Variants in THSD7A observed in about 807,000 individuals in gnomAD.
THSD7A encodes the protein thrombospondin type 1 domain containing 7A.
In THSD7A, 96 loss-of-function variants were observed where a neutral mutation model predicts 231.3. That is an observed-to-expected ratio of 0.41 (90% confidence interval 0.35 to 0.49). The LOEUF (loss-of-function observed/expected upper bound fraction) is 0.49, where lower values mean the gene tolerates loss of function less well. THSD7A is among the 20% of genes least tolerant of loss of function. THSD7A has a pLI of 0.05. For missense variants in THSD7A, 2,290 were observed against 2,070.2 expected (o/e 1.11, Z -2.06); for synonymous variants, 940 against 743.3 (o/e 1.26, Z -4.30).
At chr7:11,697,203 C>T (rs1201848929) in intron 1 of THSD7A, among the ~76,000 whole-genome samples, 1 of 151,212 alleles carries the variant, frequency 6.6e-6, no homozygotes, top group East Asian at 2.0e-4. Flanking sequence ...GATTATTTGC[C>T]ATTGGCCAAC....
rs1484823114 is a variant in THSD7A, at chr7:11,634,387, A to G, written c.1022+1743T>C. 6.6e-6 allele frequency among the ~76,000 whole-genome samples: 1 copy of G among 152,222 alleles called. No homozygotes were observed. Among genetic ancestry groups the G allele is most frequent in the Non-Finnish European group, 1.5e-5 (1 of 68,032 alleles). On this transcript the variant is annotated intron_variant, in intron 2 of 27. Transcript: ENST00000423059. This position sits in a 1 kb window ranked among gnomAD's most constrained non-coding sequence, Gnocchi z 4.1. ...AATTGAGTAGTCAACGTTAAATTAAATGTCTACAGCATGCTAACCCAGTGA... is the reference window on the plus strand; with the variant it reads ...AATTGAGTAGTCAACGTTAAATTAAGTGTCTACAGCATGCTAACCCAGTGA...
intron 6 of THSD7A, among the ~76,000 whole-genome samples, chr7:11,511,858 C>A (rs550359063): frequency 5.3e-5 from 8 of 152,256 alleles, no homozygotes; most frequent in African/African-American, 1.9e-4. Flanking sequence ...CAATACCATT[C>A]AGGACATAGG....
chr7:11,410,221 T>A (rs1447572573), intron 19 of THSD7A, among the ~76,000 whole-genome samples: 1 of 152,002 alleles, frequency 6.6e-6, no homozygotes, highest in Admixed American at 6.6e-5. Flanking sequence ...TTTCAACACA[T>A]GTGGGTGCTC....
intron 1 of THSD7A, among the ~76,000 whole-genome samples, chr7:11,704,133 G>C (rs911488522): frequency 3.3e-5 from 5 of 150,814 alleles, no homozygotes; most frequent in Non-Finnish European, 7.4e-5. Context: ...AATACAAGTG[G>C]GAAAAAGATA....
chr7:11,695,725 C>A (rs1447861696), intron 1 of THSD7A, among the ~76,000 whole-genome samples: 2 of 151,406 alleles, frequency 1.3e-5, no homozygotes, highest in East Asian at 3.9e-4. Context: ...GTAAGTGATA[C>A]TGAAAAGTAG....
chr7:11,648,621 A>G (rs73292660), intron 1 of THSD7A, among the ~76,000 whole-genome samples: 120 of 113,412 alleles, frequency 1.1e-3, no homozygotes, highest in African/African-American at 3.7e-3. Context: ...ATAGCTTGTC[A>G]GGATCTATTT....
intron 6 of THSD7A, among the ~76,000 whole-genome samples, chr7:11,492,667 G>C (rs949156664): frequency 6.6e-6 from 1 of 152,060 alleles, no homozygotes; most frequent in Non-Finnish European, 1.5e-5. Context: ...TATTTGGAGA[G>C]AACTGAAGCT....
At chr7:11,796,469 A>G (rs950293279) in intron 1 of THSD7A, among the ~76,000 whole-genome samples, 2 of 151,964 alleles carry the variant, frequency 1.3e-5, no homozygotes, top group Non-Finnish European at 2.9e-5. Context: ...CTTTCATATT[A>G]ATTTGAAAAG....
At chr7:11,502,538 C>G (rs370480046) in intron 6 of THSD7A, among the ~76,000 whole-genome samples, 1 of 152,068 alleles carries the variant, frequency 6.6e-6, no homozygotes, top group African/African-American at 2.4e-5. Flanking sequence ...AAAAAACCCA[C>G]GATTATCTCA....
At chr7:11,584,220 C>G (rs1414624999) in intron 4 of THSD7A, among the ~76,000 whole-genome samples, 7 of 152,088 alleles carry the variant, frequency 4.6e-5, no homozygotes. Flanking sequence ...TTTAGTTAGT[C>G]AAGACCTCAG....
At chr7:11,817,255 G>A (rs181279335) in intron 1 of THSD7A, among the ~76,000 whole-genome samples, 9 of 152,220 alleles carry the variant, frequency 5.9e-5, no homozygotes, top group East Asian at 1.9e-4. Context: ...CAGCATCACC[G>A]AGCAGGAAAG....
rs984496713 is a variant in THSD7A, at chr7:11,689,679, G to C, written c.191-52718C>G. On this transcript the variant is annotated intron_variant, in intron 1 of 27. Transcript: ENST00000423059. ...CCAGGTGCAATTCTCCTTCAGGCAA[G>C]AAAGTTAACCTATGATTTCAAAAAA... Among the ~76,000 whole-genome samples, 3 of 151,552 alleles carry C rather than the reference G, an allele frequency of 2.0e-5. No homozygotes were observed. In the East Asian group the frequency reaches 5.9e-4, roughly 30 times the overall value.
chr7:11,624,705 T>C (rs1781424167), intron 2 of THSD7A, among the ~76,000 whole-genome samples: 1 of 152,128 alleles, frequency 6.6e-6, no homozygotes, highest in Non-Finnish European at 1.5e-5. Flanking sequence ...AAGTATGAAC[T>C]CTACATTATG....
At chr7:11,509,833 A>AAAAAAAAAAAAAAAAAAAAAAC (rs1787726555) in intron 6 of THSD7A, among the ~76,000 whole-genome samples, 1 of 147,254 alleles carries the variant, frequency 6.8e-6, no homozygotes, top group African/African-American at 2.5e-5. Context: ...AAAAAAAAAA[A>AAAAAAAAAAAAAAAAAAAAAAC]AAATAACATC....
intron 4 of THSD7A, among the ~76,000 whole-genome samples, chr7:11,556,353 C>G (rs1468451303): frequency 1.3e-5 from 2 of 151,164 alleles, no homozygotes; most frequent in Non-Finnish European, 3.0e-5. Context: ...CTTATCACAG[C>G]CTACTGATAT....
At chr7:11,697,391 G>A (rs1455833489) in intron 1 of THSD7A, among the ~76,000 whole-genome samples, 1 of 151,104 alleles carries the variant, frequency 6.6e-6, no homozygotes, top group Non-Finnish European at 1.5e-5. Flanking sequence ...AATTTTTCAT[G>A]CTTTTATGTG....
At chr7:11,550,811 C>T (rs1408839689) in intron 4 of THSD7A, among the ~76,000 whole-genome samples, 1 of 152,110 alleles carries the variant, frequency 6.6e-6, no homozygotes, top group African/African-American at 2.4e-5. Flanking sequence ...TCCTATCAAA[C>T]CACCAATGAC....
At chr7:11,390,931 G>C (rs1247660209) in intron 23 of THSD7A, among the ~76,000 whole-genome samples, 4 of 152,236 alleles carry the variant, frequency 2.6e-5, no homozygotes, top group African/African-American at 9.6e-5. Context: ...AGAGGCTACA[G>C]AACAGCAAAG....
intron 4 of THSD7A, among the ~76,000 whole-genome samples, chr7:11,546,384 G>A (rs1302806571): frequency 1.3e-5 from 2 of 152,158 alleles, no homozygotes; most frequent in Non-Finnish European, 2.9e-5. Context: ...TTGCAGTACA[G>A]CAGGTGCTTA....
Sources: allele counts gnomAD v4.1 joint callset (sites outside exome capture counted in the v4.1 genomes callset), GRCh38; gene constraint gnomAD v4.1.1; non-coding constraint Gnocchi (gnomAD v3.1); transcripts MANE v1.5; gene names NCBI Gene and HGNC (gene_info 2026-07-23, HGNC 2026-07-21).